SAMD5: variants seen among roughly 807,000 people sequenced by gnomAD.
SAMD5 encodes sterile alpha motif domain-containing protein 5.
A neutral mutation model predicts 11.3 loss-of-function variants in SAMD5; 13 were observed. The ratio of observed to expected loss-of-function variants is 1.15; its 90% CI spans 0.75 to 1.83. SAMD5 has a LOEUF of 1.83. Ranked by LOEUF, SAMD5 falls within the 40% of genes most tolerant of loss-of-function variation. The pLI is 0.00. For missense variants in SAMD5, 255 were observed against 239.1 expected (o/e 1.07, Z -0.44); for synonymous variants, 129 against 111.3 (o/e 1.16, Z -1.00).
chr6:147,681,796 T>A (rs1790944113), intron 1 of SAMD5, among the ~76,000 whole-genome samples: 1 of 152,130 alleles, frequency 6.6e-6, no homozygotes, highest in South Asian at 2.1e-4. Context: ...TTTTACCCCA[T>A]CACTTAGGCA....
At chr6:147,777,963 A>T in the SAMD5 span, among the ~76,000 whole-genome samples, 18 of 152,276 alleles carry the variant, frequency 1.2e-4, no homozygotes, top group African/African-American at 4.1e-4. Flanking sequence ...AATAATGCTG[A>T]TATGGACGTG....
downstream of SAMD5, chr6:147,741,916 A>G (rs1362910636): frequency 6.6e-6 from 1 of 152,186 alleles, no homozygotes; most frequent in Non-Finnish European, 1.5e-5. Flanking sequence ...ATTTCTTATT[A>G]GGCACCTCAA....
At chr6:147,890,544 A>G in the SAMD5 span, among the ~76,000 whole-genome samples, 3 of 152,132 alleles carry the variant, frequency 2.0e-5, no homozygotes, top group African/African-American at 7.2e-5. Flanking sequence ...TTTTTAGTAG[A>G]AACAGGGTTT....
chr6:147,814,302 TATAA>T, the SAMD5 span, among the ~76,000 whole-genome samples: 4 of 152,214 alleles, frequency 2.6e-5, no homozygotes, highest in Non-Finnish European at 4.4e-5. Flanking sequence ...ATATATATTT[TATAA>T]GTATATTCAC....
intron 1 of SAMD5, among the ~76,000 whole-genome samples, chr6:147,625,016 G>A (rs887776286): frequency 8.5e-5 from 13 of 152,264 alleles, no homozygotes; most frequent in East Asian, 7.7e-4. Context: ...GTAGCTCAGC[G>A]CCCAGAACTC....
chr6:147,546,126 TTC>T (rs1788681630), intron 1 of SAMD5, among the ~76,000 whole-genome samples: 2 of 152,190 alleles, frequency 1.3e-5, no homozygotes, highest in Non-Finnish European at 2.9e-5. Flanking sequence ...TGTGGAGGCT[TTC>T]TTCCATTCAG....
At chr6:147,636,397 A>G (rs755246014) in intron 1 of SAMD5, among the ~76,000 whole-genome samples, 40 of 152,212 alleles carry the variant, frequency 2.6e-4, no homozygotes, top group Non-Finnish European at 4.7e-4. Flanking sequence ...TTTAGAAATT[A>G]AATATCCCTT....
chr6:147,947,721 C>T, the SAMD5 span, among the ~76,000 whole-genome samples: 4 of 152,112 alleles, frequency 2.6e-5, no homozygotes, highest in African/African-American at 7.2e-5. Context: ...CTTTGTTCTT[C>T]GGTCTGGAAA....
chr6:147,639,200 G>A (rs568347038), intron 1 of SAMD5, among the ~76,000 whole-genome samples: 1 of 152,164 alleles, frequency 6.6e-6, no homozygotes, highest in Non-Finnish European at 1.5e-5. Context: ...TAGCTTTGAT[G>A]TGGTTTCAAT....
the SAMD5 span, among the ~76,000 whole-genome samples, chr6:147,773,113 C>T: frequency 6.6e-6 from 1 of 152,196 alleles, no homozygotes; most frequent in African/African-American, 2.4e-5. Context: ...CCTGGGGGCT[C>T]TCCCCTCCTA....
At chr6:147,527,631 T>C (rs1855375) in intron 1 of SAMD5, among the ~76,000 whole-genome samples, 115,559 of 151,898 alleles carry the variant, frequency 0.76, 44,600 homozygotes, top group East Asian at 0.9. Flanking sequence ...TACAATCATG[T>C]CTTCCCAACA....
the SAMD5 span, among the ~76,000 whole-genome samples, chr6:147,746,361 T>C: frequency 6.6e-6 from 1 of 152,192 alleles, no homozygotes; most frequent in Non-Finnish European, 1.5e-5. Context: ...TACAACAGTG[T>C]AGGTGAAGTG....
At chr6:147,816,301 A>AAAAAAAAAAAAAT in the SAMD5 span, among the ~76,000 whole-genome samples, 38 of 66,342 alleles carry the variant, frequency 5.7e-4, no homozygotes, top group Non-Finnish European at 7.1e-4. Context: ...AAAAAAAAAA[A>AAAAAAAAAAAAAT]ATATATATAT....
the SAMD5 span, among the ~76,000 whole-genome samples, chr6:147,815,788 G>A: frequency 6.6e-6 from 1 of 152,090 alleles, no homozygotes; most frequent in South Asian, 2.1e-4. Context: ...CCTCCCAGGA[G>A]TCAGATGGGT....
chr6:147,844,973 T>C, the SAMD5 span, among the ~76,000 whole-genome samples: 1 of 152,112 alleles, frequency 6.6e-6, no homozygotes, highest in African/African-American at 2.4e-5. Context: ...TTCAAATAGC[T>C]AAAAGAGAAG....
intron 1 of SAMD5, among the ~76,000 whole-genome samples, chr6:147,629,918 C>T (rs1003647005): frequency 6.7e-5 from 10 of 150,320 alleles, no homozygotes; most frequent in Non-Finnish European, 1.2e-4. Context: ...AAAGAGTTTT[C>T]GAAGAGTCAC....
chr6:147,594,098 C>T (rs991772012), intron 1 of SAMD5, among the ~76,000 whole-genome samples: 2 of 152,176 alleles, frequency 1.3e-5, no homozygotes, highest in Admixed American at 6.6e-5. Flanking sequence ...CACTGCACTC[C>T]AGCCTGGGTG....
chr6:147,847,218 A>G, the SAMD5 span, among the ~76,000 whole-genome samples: 1 of 152,082 alleles, frequency 6.6e-6, no homozygotes, highest in Non-Finnish European at 1.5e-5. Flanking sequence ...CCAGTTTATT[A>G]AGCAGGTTTC....
At chr6:147,835,946 G>T in the SAMD5 span, among the ~76,000 whole-genome samples, 1 of 152,102 alleles carries the variant, frequency 6.6e-6, no homozygotes, top group Non-Finnish European at 1.5e-5. Context: ...GCAACGTCTC[G>T]CTATGCTTAC....
Sources: gnomAD v4.1 joint callset for allele counts (sites outside exome capture counted in the v4.1 genomes callset) on GRCh38, gnomAD v4.1.1 for gene constraint, MANE v1.5 for transcripts, NCBI Gene and HGNC (gene_info 2026-07-23, HGNC 2026-07-21) for gene names.